The following REDIC1 variants were observed in gnomAD, a reference collection of about 807,000 sequenced individuals.
REDIC1 encodes regulator of DNA class I crossover intermediates 1.
the REDIC1 span, among the ~76,000 whole-genome samples, chr12:39,813,517 G>T: frequency 5.9e-5 from 9 of 151,990 alleles, no homozygotes; most frequent in Non-Finnish European, 1.3e-4. Context: ...TCTCTGCAAG[G>T]ACTTAAAAAA....
the REDIC1 span, among the ~76,000 whole-genome samples, chr12:39,635,916 A>T: frequency 2.9e-4 from 44 of 152,268 alleles, no homozygotes; most frequent in African/African-American, 1.0e-3. Flanking sequence ...AATCTTACGA[A>T]GTTTGTACCT....
chr12:39,768,878 G>C, the REDIC1 span, among the ~76,000 whole-genome samples: 1 of 152,186 alleles, frequency 6.6e-6, no homozygotes, highest in Middle Eastern at 3.4e-3. Context: ...AGAAACCTTC[G>C]GTTTGTAAAA....
chr12:39,649,440 C>A, the REDIC1 span, among the ~76,000 whole-genome samples: 1 of 151,618 alleles, frequency 6.6e-6, no homozygotes, highest in African/African-American at 2.4e-5. Context: ...TGATTTGTTT[C>A]TTATTTTAAG....
chr12:39,873,576 C>G, the REDIC1 span, among the ~76,000 whole-genome samples: 1 of 152,126 alleles, frequency 6.6e-6, no homozygotes, highest in Non-Finnish European at 1.5e-5. Flanking sequence ...GTTTCAGAAT[C>G]TTCACAATAA....
At chr12:39,849,651 T>C in the REDIC1 span, among the ~76,000 whole-genome samples, 1 of 152,300 alleles carries the variant, frequency 6.6e-6, no homozygotes, top group South Asian at 2.1e-4. Flanking sequence ...GTTGCTCCAA[T>C]TTCTCTCTGA....
chr12:39,626,286 A>G, the REDIC1 span: 1 of 1,609,372 alleles, frequency 6.2e-7, no homozygotes, highest in Non-Finnish European at 8.5e-7. Flanking sequence ...CGCAGAGCTG[A>G]GATGTCTGAG....
chr12:39,886,924 T>C, the REDIC1 span, among the ~76,000 whole-genome samples: 2 of 152,214 alleles, frequency 1.3e-5, no homozygotes, highest in African/African-American at 4.8e-5. Context: ...GTTTTGCGTA[T>C]GTTAAATCAT....
chr12:39,790,508 T>C, the REDIC1 span, among the ~76,000 whole-genome samples: 2 of 151,318 alleles, frequency 1.3e-5, no homozygotes, highest in Non-Finnish European at 2.9e-5. Flanking sequence ...CTGAGAATGA[T>C]GGTTTCCAAT....
the REDIC1 span, among the ~76,000 whole-genome samples, chr12:39,713,701 A>G: frequency 2.8e-5 from 4 of 145,220 alleles, no homozygotes; most frequent in Non-Finnish European, 4.5e-5. Context: ...ATGCGTATAT[A>G]CATATTTATG....
At chr12:39,682,230 T>C in the REDIC1 span, among the ~76,000 whole-genome samples, 1 of 152,130 alleles carries the variant, frequency 6.6e-6, no homozygotes, top group African/African-American at 2.4e-5. Flanking sequence ...ATAAATTTTC[T>C]CTGCACAGCC....
the REDIC1 span, chr12:39,716,733 A>T: frequency 2.6e-6 from 4 of 1,527,668 alleles, no homozygotes; most frequent in Non-Finnish European, 3.6e-6. Context: ...ACCATTATTC[A>T]TGTATTAAAC....
At chr12:39,642,443 C>G in the REDIC1 span, among the ~76,000 whole-genome samples, 354 of 151,688 alleles carry the variant, frequency 2.3e-3, 3 homozygotes, top group Admixed American at 1.4e-3. Context: ...CTGTACCCAC[C>G]CTATCCCCAA....
the REDIC1 span, among the ~76,000 whole-genome samples, chr12:39,732,431 T>C: frequency 5.9e-5 from 9 of 152,328 alleles, no homozygotes; most frequent in Middle Eastern, 3.4e-3. Flanking sequence ...TCGTAATGTC[T>C]GTTTTTCACT....
the REDIC1 span, among the ~76,000 whole-genome samples, chr12:39,879,440 C>T: frequency 1.3e-5 from 2 of 152,232 alleles, no homozygotes; most frequent in Non-Finnish European, 2.9e-5. Flanking sequence ...TGCAAAGCCA[C>T]AAGGGTAAAG....
chr12:39,686,224 A>G, the REDIC1 span, among the ~76,000 whole-genome samples: 1 of 152,062 alleles, frequency 6.6e-6, no homozygotes, highest in Non-Finnish European at 1.5e-5. Flanking sequence ...CCAATTCCAC[A>G]TTGCCTCTCC....
At chr12:39,883,747 C>CA in the REDIC1 span, among the ~76,000 whole-genome samples, 608 of 152,180 alleles carry the variant, frequency 4.0e-3, 4 homozygotes, top group Non-Finnish European at 4.4e-3. Context: ...AGCTTGGTCA[C>CA]AAAAATGTGA....
chr12:39,894,562 C>A, the REDIC1 span, among the ~76,000 whole-genome samples: 1 of 152,074 alleles, frequency 6.6e-6, no homozygotes, highest in African/African-American at 2.4e-5. Flanking sequence ...AGTGGTTAAA[C>A]CCAGACTAAA....
the REDIC1 span, among the ~76,000 whole-genome samples, chr12:39,892,525 T>A: frequency 6.6e-6 from 1 of 152,236 alleles, no homozygotes; most frequent in African/African-American, 2.4e-5. Context: ...GATTTTTTTT[T>A]AAACTACTGT....
At chr12:39,792,107 A>C in the REDIC1 span, among the ~76,000 whole-genome samples, 1 of 78,508 alleles carries the variant, frequency 1.3e-5, no homozygotes, top group African/African-American at 4.9e-5. Flanking sequence ...CAAACCTGAG[A>C]AAAACAAGCA....
Sources: gnomAD v4.1 joint callset for allele counts (sites outside exome capture counted in the v4.1 genomes callset) on GRCh38, gnomAD v4.1.1 for gene constraint, MANE v1.5 for transcripts, NCBI Gene and HGNC (gene_info 2026-07-23, HGNC 2026-07-21) for gene names.